The following PCSK7 variants were observed in gnomAD, a reference collection of about 807,000 sequenced individuals.
The protein encoded by PCSK7 is lymphoma proprotein convertase.
Under a neutral mutation model 73.3 loss-of-function variants are expected in PCSK7, and 38 were observed. That is an observed-to-expected ratio of 0.52 (90% CI 0.40 to 0.68). PCSK7 has a LOEUF of 0.68. Among genes scored for constraint, PCSK7 ranks in the 30% least tolerant of loss-of-function variants. The probability of loss-of-function intolerance (pLI) is 0.00; values close to 1 mark genes in which losing one functional copy is unlikely to be tolerated. For synonymous variants in PCSK7, 296 were observed against 383.8 expected, an observed-to-expected ratio of 0.77 and a Z score of 2.68; for missense variants, 692 against 991.5, an observed-to-expected ratio of 0.70 and a Z score of 4.06.
At chr11:117,210,466 C>G (rs2031678554) in intron 12 of PCSK7, 1 of 150,754 alleles carries the variant, frequency 6.6e-6, no homozygotes, top group Non-Finnish European at 1.5e-5. Context: ...TCAAGCGATT[C>G]TCCTGCCTCA....
In PCSK7 at chr11:117,227,137, A is replaced by G. The variant is rs1179754597; in HGVS notation, c.769+20T>C. 5 of 1,584,950 alleles carry G rather than the reference A, an allele frequency of 3.2e-6. No individual in the cohort carries two copies. The highest frequency in any genetic ancestry group is 4.3e-6 in the Non-Finnish European group (5 of 1,165,378). On this transcript the variant is annotated intron_variant, in intron 5 of 16. Coordinates refer to ENST00000320934, the MANE Select transcript of PCSK7 (RefSeq NM_004716.4). The stretch of plus-strand genomic sequence containing the variant: ...GTCACAGGAGCAGCCTACCAAGGCT[A>G]GGCTGGAGGCACAAGTTACCTGCGA...
Position 117,205,873 on chromosome 11 carries a change from C to T in PCSK7, c.*124G>A, listed in dbSNP as rs2031340586. On this transcript the variant is annotated 3_prime_UTR_variant, in exon 17 of 17. Coordinates refer to ENST00000320934, the MANE Select transcript of PCSK7 (RefSeq NM_004716.4). ...ACCATTTGTATCTTAAGAAGGCCCT[C>T]ACCCTCTTTGAGTGGAGTCAGAGGA... 6 of 630,758 alleles carry T rather than the reference C, an allele frequency of 9.5e-6. No homozygotes were observed. Among genetic ancestry groups the T allele is most frequent in the East Asian group, 3.0e-5 (1 of 33,746 alleles). 39.1% of individuals were successfully genotyped at this position (630,758 alleles called of 1,614,324 possible). A position where few individuals can be genotyped will look rare whatever the true frequency, so the allele number is the denominator to read the frequency against.
chr11:117,223,107 T>TAGATC, intron 9 of PCSK7, 101 bp downstream of exon 9: 4 of 772,336 alleles, frequency 5.2e-6, no homozygotes, highest in East Asian at 2.4e-5. Context: ...AGCCTGAGTG[T>TAGATC]TGGGGCGGGG....
Position 117,204,350 on chromosome 11 carries a change from C to G in PCSK7, c.*1647G>C. ...CAGGCTACGGACGACCTCGGCAGAT[C>G]ATCAGTTAGAGCGGAGAGGGCTAGC... On this transcript the variant is annotated 3_prime_UTR_variant, in exon 17 of 17. Transcript: ENST00000320934. 1 of 1,614,240 alleles carries G rather than the reference C, an allele frequency of 6.2e-7. No individual in the cohort carries two copies. The highest frequency in any genetic ancestry group is 8.5e-7 in the Non-Finnish European group (1 of 1,180,048).
intron 13 of PCSK7, 108 bp downstream of exon 13, chr11:117,208,789 C>T (rs1401744340): frequency 9.1e-7 from 1 of 1,096,164 alleles, no homozygotes; most frequent in Non-Finnish European, 1.3e-6. Context: ...CAGGGATAGC[C>T]AGTGCCACAG....
intron 6 of PCSK7, 126 bp downstream of exon 6, chr11:117,225,805 T>G (rs1235353305): frequency 3.0e-6 from 2 of 670,906 alleles, no homozygotes; most frequent in Non-Finnish European, 5.4e-6. Context: ...GGCAATGGAC[T>G]TATTAGCTGA....
intron 12 of PCSK7, chr11:117,215,339 G>T: frequency 7.5e-6 from 1 of 132,642 alleles, no homozygotes. Context: ...GGGACTACAG[G>T]CACGTGCCAC....
At chr11:117,216,489 G>C (rs2031991041) in intron 12 of PCSK7, 1 of 145,190 alleles carries the variant, frequency 6.9e-6, no homozygotes, top group South Asian at 2.2e-4. Flanking sequence ...GCCCAGGCTG[G>C]AGTGCAATGG....
chr11:117,227,678 T>C (rs1003203992), intron 4 of PCSK7, among the ~76,000 whole-genome samples: 1 of 152,220 alleles, frequency 6.6e-6, no homozygotes, highest in Non-Finnish European at 1.5e-5. Context: ...CCTGACCTCC[T>C]GATCCGCCCG....
In PCSK7 at chr11:117,204,602, T is replaced by G; in HGVS notation, c.*1395A>C. 2 of 611,040 alleles carry G rather than the reference T, an allele frequency of 3.3e-6. No homozygotes were observed. Among genetic ancestry groups the G allele is most frequent in the Non-Finnish European group, 6.0e-6 (2 of 334,208 alleles). 37.9% of individuals were successfully genotyped at this position (611,040 alleles called of 1,614,324 possible). On this transcript the variant is annotated 3_prime_UTR_variant, in exon 17 of 17. Transcript: ENST00000320934. ...CCCTCCCGGCTGCCCCCATCACCTC[T>G]ACTGTCTCCTCCCTGGGCTAAGCAG...
chr11:117,218,850 AGTAGT>A lies in PCSK7; in HGVS notation c.1431+202_1431+206del, dbSNP rs1379378538. 3 of 585,926 alleles carry A rather than the reference AGTAGT, an allele frequency of 5.1e-6. No individual in the cohort carries two copies. The African/African-American group carries it at 5.6e-5, about 11-fold the overall frequency. 36.3% of individuals were successfully genotyped at this position (585,926 alleles called of 1,614,324 possible). On this transcript the variant is annotated intron_variant, in intron 11 of 16. Coordinates refer to ENST00000320934, the MANE Select transcript of PCSK7 (RefSeq NM_004716.4). The surrounding 1 kb of genome is among the most constrained non-coding windows in gnomAD (Gnocchi z 4.0). ...ATACTCAGGTCCCATTTACTCTATT[AGTAGT>A]TTGGAAACTTCAGTGATAGCATTGA... is the stretch of plus-strand genomic sequence containing the variant.
At chr11:117,219,034 C>G (rs2032094487) in intron 11 of PCSK7, 23 bp downstream of exon 11, 1 of 1,545,688 alleles carries the variant, frequency 6.5e-7, no homozygotes, top group Non-Finnish European at 8.9e-7. Flanking sequence ...ACAGGGCACC[C>G]TGCCCTGCCA....
At chr11:117,223,388 G>A (rs1173534600) in intron 8 of PCSK7, 80 bp from the exon 9 acceptor site, 16 of 867,352 alleles carry the variant, frequency 1.8e-5, no homozygotes, top group Non-Finnish European at 2.4e-5. Flanking sequence ...AGTTATCTTG[G>A]AGTTACCATC....
At chr11:117,219,026 AG>A in intron 11 of PCSK7, 30 bp downstream of exon 11, 1 of 1,504,008 alleles carries the variant, frequency 6.6e-7, no homozygotes, top group Non-Finnish European at 9.2e-7. Context: ...CACTCCACAC[AG>A]GGCACCCTGC....
In PCSK7 at chr11:117,229,364, G is replaced by A; in HGVS notation, c.468+13C>T. On this transcript the variant is annotated intron_variant, in intron 3 of 16. Transcript: ENST00000320934. ...TACCCACCTGAAACTGCAAACTGCA[G>A]GACTGGACTCACCAGGTGCCATTGC... The A allele has an allele frequency of 6.3e-7, 1 of 1,594,902 alleles. No homozygotes were observed. The highest frequency in any genetic ancestry group is 1.7e-5 in the Admixed American group (1 of 59,892).
In PCSK7 at chr11:117,204,650, C is replaced by G. The variant is rs545694165; in HGVS notation, c.*1347G>C. On this transcript the variant is annotated 3_prime_UTR_variant, in exon 17 of 17. Transcript: ENST00000320934. ...CAGGGGAGAAGCGGGCTGGGGGTAG[C>G]CTGGATGTGGGCCAAGTCCACTGTC... is the stretch of plus-strand genomic sequence containing the variant. 1 of 504,484 alleles carries G rather than the reference C, an allele frequency of 2.0e-6. No homozygotes were observed. The highest frequency in any genetic ancestry group is 3.7e-5 in the East Asian group (1 of 26,944). The allele number at this position is 504,484 out of a possible 1,614,324, so 31.3% of individuals were successfully genotyped here.
chr11:117,223,338 A>G, intron 8 of PCSK7, 30 bp from the exon 9 acceptor site: 1 of 1,356,104 alleles, frequency 7.4e-7, no homozygotes, highest in South Asian at 1.2e-5. Flanking sequence ...ATTAGAGCTG[A>G]GATGCAGAGG....
intron 10 of PCSK7, 70 bp downstream of exon 10, chr11:117,219,521 T>A (rs978876235): frequency 1.4e-6 from 2 of 1,436,110 alleles, no homozygotes; most frequent in African/African-American, 2.9e-5. Context: ...ATTGAGAATC[T>A]AAGGCCACCT....
In PCSK7 at chr11:117,219,751, G is replaced by A; in HGVS notation, c.1163C>T (p.Thr388Ile). ...AGTGCCCTTCTGAAGGTCCCAGTCA[G>A]TGGTCACCTGGAAGTGAAACAGGAA... is the stretch of plus-strand genomic sequence containing the variant. ...GDKMLRSIVT[T>I]DWDLQKGTGC... is the part of the protein sequence containing the mutation. Residue 388 changes from threonine to isoleucine, a missense_variant, in exon 10 of 17, where the codon ACT (threonine) becomes ATT (isoleucine). This residue lies in a region of PCSK7 where 574 missense variants were observed against 689.8 expected (regional missense o/e 0.83). Coordinates refer to ENST00000320934, the MANE Select transcript of PCSK7 (RefSeq NM_004716.4). 1.3e-6 allele frequency: 2 copies of A among 1,575,706 alleles called. No individual in the cohort carries two copies. Among genetic ancestry groups the A allele is most frequent in the Non-Finnish European group, 1.7e-6 (2 of 1,161,796 alleles).
Sources: allele counts gnomAD v4.1 joint callset (sites outside exome capture counted in the v4.1 genomes callset), GRCh38; gene constraint gnomAD v4.1.1; regional missense constraint gnomAD v4.1.1; non-coding constraint Gnocchi (gnomAD v3.1); transcripts MANE v1.5; gene names NCBI Gene and HGNC (gene_info 2026-07-23, HGNC 2026-07-21).